The following PLPPR1 variants were observed in gnomAD, a reference collection of about 807,000 sequenced individuals.
The protein encoded by PLPPR1 is phospholipid phosphatase related 1.
PLPPR1 carries 10 observed loss-of-function variants against 33.1 expected under a neutral mutation model. The observed-to-expected ratio is 0.30, with a 90% CI of 0.19 to 0.51. The LOEUF is 0.51. Ranked by LOEUF, PLPPR1 falls within the 20% of genes least tolerant of loss-of-function variation. The pLI, the probability that PLPPR1 is intolerant of heterozygous loss-of-function variation, is 0.97. For synonymous variants in PLPPR1, 151 were observed against 151.0 expected (o/e 1.00, Z 0.00); for missense variants, 304 against 408.1 (o/e 0.74, Z 2.20).
At chr9:101,209,357 C>CAGAT (rs1459610182) in intron 2 of PLPPR1, among the ~76,000 whole-genome samples, 1 of 152,202 alleles carries the variant, frequency 6.6e-6, no homozygotes, top group Non-Finnish European at 1.5e-5. Flanking sequence ...TCCCGTCTGG[C>CAGAT]AGATATGTGT....
chr9:101,078,197 AG>A (rs1830572227), intron 1 of PLPPR1, among the ~76,000 whole-genome samples: 1 of 4,058 alleles, frequency 2.5e-4, no homozygotes, highest in African/African-American at 1.1e-3. Context: ...GGAGGGGGGG[AG>A]GGGGAGGGGG....
intron 1 of PLPPR1, among the ~76,000 whole-genome samples, chr9:101,056,924 G>T (rs1397487165): frequency 6.6e-6 from 1 of 152,004 alleles, no homozygotes; most frequent in Non-Finnish European, 1.5e-5. Context: ...ATTCTCCACT[G>T]CTCCTCAGAG....
chr9:101,324,069 T>C lies in PLPPR1; in HGVS notation c.*12T>C. 6.2e-7 allele frequency: 1 copy of C among 1,606,332 alleles called. No homozygotes were observed. The highest frequency in any genetic ancestry group is 8.5e-7 in the Non-Finnish European group (1 of 1,173,580). On this transcript the variant is annotated 3_prime_UTR_variant, in exon 8 of 8. Coordinates refer to ENST00000374874, the MANE Select transcript of PLPPR1 (RefSeq NM_207299.2). ...CCGAAGTTACCTGAGACGACTGATG[T>C]GTCACAAGCTGTTTTTTAAAATCAT... is the stretch of plus-strand genomic sequence containing the variant.
At chr9:101,243,428 G>C (rs1439525677) in intron 2 of PLPPR1, among the ~76,000 whole-genome samples, 1 of 151,906 alleles carries the variant, frequency 6.6e-6, no homozygotes, top group Non-Finnish European at 1.5e-5. Flanking sequence ...GATATGAAGA[G>C]GAACAGTTTT....
chr9:101,040,055 G>C (rs918507371), intron 1 of PLPPR1, among the ~76,000 whole-genome samples: 1 of 152,024 alleles, frequency 6.6e-6, no homozygotes, highest in African/African-American at 2.4e-5. Context: ...TCAGAACATA[G>C]CAAGAGGTGG....
intron 2 of PLPPR1, among the ~76,000 whole-genome samples, chr9:101,233,173 CATT>C (rs1827225616): frequency 6.6e-6 from 1 of 152,046 alleles, no homozygotes; most frequent in Non-Finnish European, 1.5e-5. Context: ...ACATATATTT[CATT>C]TACCAACAGA....
chr9:101,176,345 G>A (rs1826019518), intron 1 of PLPPR1, among the ~76,000 whole-genome samples: 1 of 152,146 alleles, frequency 6.6e-6, no homozygotes, highest in African/African-American at 2.4e-5. Flanking sequence ...ATTTCTTGAT[G>A]AGCAATGAGT....
At chr9:101,034,189 C>G (rs1046275991) in intron 1 of PLPPR1, among the ~76,000 whole-genome samples, 1 of 151,982 alleles carries the variant, frequency 6.6e-6, no homozygotes, top group Non-Finnish European at 1.5e-5. Flanking sequence ...ATGGAACCAG[C>G]TAGTGTCTAA....
chr9:101,295,022 C>T (rs1828594883), intron 4 of PLPPR1, among the ~76,000 whole-genome samples: 1 of 152,206 alleles, frequency 6.6e-6, no homozygotes, highest in Non-Finnish European at 1.5e-5. Context: ...TCCCTGTTTG[C>T]AGATGACATG....
intron 2 of PLPPR1, among the ~76,000 whole-genome samples, chr9:101,266,025 A>G (rs1588102631): frequency 1.3e-5 from 2 of 152,154 alleles, no homozygotes; most frequent in East Asian, 3.9e-4. Context: ...AGAATGTTCA[A>G]TAGAAAATCA....
rs1266023531 is a variant in PLPPR1, at chr9:101,324,005, T to C, written c.946-20T>C. 20 of 1,610,742 alleles carry C rather than the reference T, an allele frequency of 1.2e-5. No individual in the cohort carries two copies. The highest frequency in any genetic ancestry group is 2.7e-5 in the African/African-American group (2 of 74,882). The stretch of plus-strand genomic sequence containing the variant: ...AGGCAACCCTATCTCAGATTTTATC[T>C]GCTTGTGTTTGCTCCACAGAATCAC... On this transcript the variant is annotated intron_variant, in intron 7 of 7. Coordinates refer to ENST00000374874, the MANE Select transcript of PLPPR1 (RefSeq NM_207299.2).
intron 1 of PLPPR1, among the ~76,000 whole-genome samples, chr9:101,068,403 G>C (rs1181953991): frequency 6.6e-6 from 1 of 151,984 alleles, no homozygotes; most frequent in Non-Finnish European, 1.5e-5. Flanking sequence ...AGCAGTATTT[G>C]GGAGCAGGGT....
At chr9:101,319,738 C>CT in intron 7 of PLPPR1, among the ~76,000 whole-genome samples, 2 of 152,258 alleles carry the variant, frequency 1.3e-5, no homozygotes, top group Middle Eastern at 6.8e-3. Flanking sequence ...CTTTTCTTCC[C>CT]TAATTACAAT....
intron 4 of PLPPR1, among the ~76,000 whole-genome samples, chr9:101,296,003 G>C (rs1267722450): frequency 6.6e-6 from 1 of 151,564 alleles, no homozygotes; most frequent in East Asian, 1.9e-4. Flanking sequence ...ACTACCATCA[G>C]AGTGAACAGG....
chr9:101,057,960 C>T (rs1564132468), intron 1 of PLPPR1, among the ~76,000 whole-genome samples: 1 of 152,064 alleles, frequency 6.6e-6, no homozygotes. Flanking sequence ...GGGAGTACAA[C>T]ATGATGGCTT....
intron 2 of PLPPR1, among the ~76,000 whole-genome samples, chr9:101,192,258 C>A (rs942099537): frequency 5.3e-5 from 8 of 152,192 alleles, no homozygotes; most frequent in Non-Finnish European, 1.2e-4. Context: ...TAGATTGCAA[C>A]TCTTACATTT....
intron 7 of PLPPR1, 33 bp downstream of exon 7, chr9:101,317,529 A>G: frequency 6.2e-7 from 1 of 1,601,372 alleles, no homozygotes. Context: ...AACCAAACCC[A>G]CAGGCTGAAC....
chr9:101,174,070 T>G (rs1825984814), intron 1 of PLPPR1, among the ~76,000 whole-genome samples: 1 of 152,070 alleles, frequency 6.6e-6, no homozygotes, highest in Admixed American at 6.6e-5. Flanking sequence ...GTGGGAGGAT[T>G]GGTTGTACCA....
chr9:101,317,501 G>A lies in PLPPR1; in HGVS notation c.945+5G>A. The A allele has an allele frequency of 1.2e-6, 2 of 1,611,112 alleles. No individual in the cohort carries two copies. The highest frequency in any genetic ancestry group is 1.7e-6 in the Non-Finnish European group (2 of 1,179,130). Reference sequence around the variant, plus strand: ...CTGGAAACCTTAAGTGCACAGGTATGGTAAAGCAGTTTTAGCAAACCAAAC... The same window carrying A: ...CTGGAAACCTTAAGTGCACAGGTATAGTAAAGCAGTTTTAGCAAACCAAAC... On this transcript the variant is annotated splice_donor_5th_base_variant and intron_variant, in intron 7 of 7. Transcript: ENST00000374874.
Sources: gnomAD v4.1 joint callset for allele counts (sites outside exome capture counted in the v4.1 genomes callset) on GRCh38, gnomAD v4.1.1 for gene constraint, MANE v1.5 for transcripts, NCBI Gene and HGNC (gene_info 2026-07-23, HGNC 2026-07-21) for gene names.